SAMD5: variants seen among roughly 807,000 people sequenced by gnomAD.
SAMD5 encodes sterile alpha motif domain-containing protein 5.
SAMD5 carries 13 observed loss-of-function variants against 11.3 expected under a neutral mutation model. That is an observed-to-expected ratio of 1.15 (90% CI 0.75 to 1.83). The LOEUF is 1.83. Ranked by LOEUF, SAMD5 falls within the 40% of genes most tolerant of loss-of-function variation. SAMD5 has a pLI of 0.00. For synonymous variants in SAMD5, 129 were observed against 111.3 expected (o/e 1.16, Z -1.00); for missense variants, 255 against 239.1 (o/e 1.07, Z -0.44).
At chr6:147,835,686 A>G in the SAMD5 span, among the ~76,000 whole-genome samples, 1 of 152,044 alleles carries the variant, frequency 6.6e-6, no homozygotes, top group East Asian at 1.9e-4. Context: ...GACAGCCCCC[A>G]CATCGCTTGG....
At position 147,567,472 on chromosome 6, in the gene SAMD5, T is replaced by G; in HGVS notation, c.*3016T>G. 1.0e-6 allele frequency: 1 copy of G among 981,314 alleles called. No homozygotes were observed. Among genetic ancestry groups the G allele is most frequent in the African/African-American group, 1.7e-5 (1 of 57,280 alleles). 60.8% of individuals were successfully genotyped at this position (981,314 alleles called of 1,614,324 possible). Reference sequence around the variant, plus strand: ...TTAAGGATGTAAGCTATAGTGTAGCTTGGGGAATCATCTTGAACAGTTATG... The same window carrying G: ...TTAAGGATGTAAGCTATAGTGTAGCGTGGGGAATCATCTTGAACAGTTATG... On this transcript the variant is annotated 3_prime_UTR_variant, in exon 2 of 2. Transcript: ENST00000367474.
chr6:147,720,202 C>T (rs1394600383), intron 1 of SAMD5, among the ~76,000 whole-genome samples: 1 of 152,210 alleles, frequency 6.6e-6, no homozygotes, highest in Non-Finnish European at 1.5e-5. Flanking sequence ...GTCTCCACGC[C>T]TGTAATCCCA....
At chr6:147,582,518 A>T (rs1562326283) in intron 1 of SAMD5, among the ~76,000 whole-genome samples, 1 of 152,204 alleles carries the variant, frequency 6.6e-6, no homozygotes, top group Non-Finnish European at 1.5e-5. Flanking sequence ...TCTCATAAAA[A>T]GCATCCCAGT....
At chr6:147,709,029 C>T (rs919213186) in intron 1 of SAMD5, among the ~76,000 whole-genome samples, 13 of 152,152 alleles carry the variant, frequency 8.5e-5, no homozygotes, top group African/African-American at 2.4e-4. Flanking sequence ...GAATAATCAG[C>T]GGTGGCTGTA....
At chr6:147,663,661 G>T (rs1453068398) in intron 1 of SAMD5, among the ~76,000 whole-genome samples, 1 of 151,478 alleles carries the variant, frequency 6.6e-6, no homozygotes, top group Non-Finnish European at 1.5e-5. Flanking sequence ...GTGTGGTGGT[G>T]CACGCCTGTA....
At chr6:147,949,212 A>G in the SAMD5 span, among the ~76,000 whole-genome samples, 1 of 152,184 alleles carries the variant, frequency 6.6e-6, no homozygotes, top group Admixed American at 6.5e-5. Context: ...TGTAAATGAA[A>G]TATAGTGGTG....
the SAMD5 span, among the ~76,000 whole-genome samples, chr6:147,882,041 TTTATAAGA>T: frequency 6.6e-6 from 1 of 152,172 alleles, no homozygotes; most frequent in African/African-American, 2.4e-5. Flanking sequence ...TGTGTATTCG[TTTATAAGA>T]TAATGAGAGC....
At chr6:147,852,995 T>C in the SAMD5 span, among the ~76,000 whole-genome samples, 1 of 152,206 alleles carries the variant, frequency 6.6e-6, no homozygotes, top group Admixed American at 6.6e-5. Context: ...AAGAGGTGAC[T>C]CACTTCCGGT....
intron 1 of SAMD5, among the ~76,000 whole-genome samples, chr6:147,537,211 C>T (rs893436713): frequency 2.4e-4 from 37 of 152,220 alleles, no homozygotes; most frequent in African/African-American, 4.1e-4. Context: ...GAACGCTAAA[C>T]GCCGTTTTAT....
At chr6:147,878,604 TCTATATAG>T in the SAMD5 span, among the ~76,000 whole-genome samples, 5 of 146,618 alleles carry the variant, frequency 3.4e-5, no homozygotes, top group Non-Finnish European at 7.4e-5. Context: ...TACATATATA[TCTATATAG>T]ATATATATGT....
intron 1 of SAMD5, among the ~76,000 whole-genome samples, chr6:147,538,986 C>G (rs1013407557): frequency 6.6e-6 from 1 of 152,048 alleles, no homozygotes; most frequent in South Asian, 2.1e-4. Flanking sequence ...ACAGAAGATT[C>G]GGCACTTAGA....
chr6:147,581,738 G>T (rs917549005), intron 1 of SAMD5, among the ~76,000 whole-genome samples: 1 of 152,190 alleles, frequency 6.6e-6, no homozygotes, highest in African/African-American at 2.4e-5. Flanking sequence ...GGTGACAAGG[G>T]TTCGAAGGAT....
At chr6:147,796,365 T>A in the SAMD5 span, among the ~76,000 whole-genome samples, 1 of 152,122 alleles carries the variant, frequency 6.6e-6, no homozygotes, top group Non-Finnish European at 1.5e-5. Flanking sequence ...TTGTCAAAGA[T>A]CAGATAGTTG....
At chr6:147,535,095 A>G (rs1788486994) in intron 1 of SAMD5, among the ~76,000 whole-genome samples, 1 of 152,188 alleles carries the variant, frequency 6.6e-6, no homozygotes, top group African/African-American at 2.4e-5. Flanking sequence ...TTTGGGTTTT[A>G]TAACATCTTA....
At chr6:147,583,322 A>G (rs1163204036) in intron 1 of SAMD5, among the ~76,000 whole-genome samples, 3 of 152,230 alleles carry the variant, frequency 2.0e-5, no homozygotes, top group Non-Finnish European at 2.9e-5. Flanking sequence ...AACACACAGC[A>G]TGGAATTAAT....
the SAMD5 span, among the ~76,000 whole-genome samples, chr6:147,832,797 T>G: frequency 6.6e-6 from 1 of 152,190 alleles, no homozygotes; most frequent in Non-Finnish European, 1.5e-5. Flanking sequence ...CGGTACACAC[T>G]AAGCACTTAA....
chr6:147,653,828 G>A (rs747275381), intron 1 of SAMD5, among the ~76,000 whole-genome samples: 15 of 152,056 alleles, frequency 9.9e-5, no homozygotes, highest in Non-Finnish European at 1.5e-4. Flanking sequence ...GTTAATTGGT[G>A]AGCTCTTTAT....
At chr6:147,662,960 A>G (rs569232933) in intron 1 of SAMD5, among the ~76,000 whole-genome samples, 1 of 152,328 alleles carries the variant, frequency 6.6e-6, no homozygotes, top group East Asian at 1.9e-4. Context: ...AATTATTAAT[A>G]TTTCACAGTA....
intron 1 of SAMD5, among the ~76,000 whole-genome samples, chr6:147,523,347 G>A (rs931376954): frequency 6.6e-6 from 1 of 152,240 alleles, no homozygotes; most frequent in East Asian, 1.9e-4. Flanking sequence ...CATCAAATAG[G>A]TGGATTTTTT....
Sources: allele counts gnomAD v4.1 joint callset (sites outside exome capture counted in the v4.1 genomes callset), GRCh38; gene constraint gnomAD v4.1.1; transcripts MANE v1.5; gene names NCBI Gene and HGNC (gene_info 2026-07-23, HGNC 2026-07-21).